Variants in RBFOX3 observed in about 807,000 individuals in gnomAD.
The protein encoded by RBFOX3 is RNA binding fox-1 homolog 3.
In RBFOX3, 17 loss-of-function variants were observed where a neutral mutation model predicts 48.7. The observed-to-expected ratio is 0.35, with a 90% CI of 0.24 to 0.52. RBFOX3 has a LOEUF of 0.52. Among genes scored for constraint, RBFOX3 ranks in the 20% least tolerant of loss-of-function variants. The probability of loss-of-function intolerance (pLI) is 0.94; values close to 1 mark genes in which losing one functional copy is unlikely to be tolerated. For missense variants in RBFOX3, 382 were observed against 497.5 expected, an observed-to-expected ratio of 0.77 and a Z score of 2.21; for synonymous variants, 212 against 209.5, an observed-to-expected ratio of 1.01 and a Z score of -0.10.
intron 2 of RBFOX3, among the ~76,000 whole-genome samples, chr17:79,337,941 A>ATT (rs1159109203): frequency 4.3e-4 from 60 of 139,924 alleles, no homozygotes; most frequent in African/African-American, 1.3e-3. Context: ...ACTTCTCCAG[A>ATT]TTTTTTTTTT....
rs2055768134 is a variant in RBFOX3 at position 79,197,164 on chromosome 17, CCCAGAAAG to C, written c.-34+38594_-34+38601del. On this transcript the variant is annotated intron_variant, in intron 4 of 14. Coordinates refer to ENST00000693108, the MANE Select transcript of RBFOX3 (RefSeq NM_001350451.2). ...CCAGTTCCTGTGAGCTGTGATTCTC[CCCAGAAAG>C]CCAGGTGCAGACATAAGAGGCATCC... 2.8e-5 allele frequency among the ~76,000 whole-genome samples: 3 copies of C among 108,364 alleles called. No homozygotes were observed. The South Asian group carries it at 1.0e-3, about 37-fold the overall frequency. The allele number at this position is 108,364 out of a possible 152,430, so 71.1% of individuals were successfully genotyped here.
chr17:79,151,922 GGGAGGGGACC>G (rs2044594953), intron 4 of RBFOX3, among the ~76,000 whole-genome samples: 1 of 26,042 alleles, frequency 3.8e-5, no homozygotes, highest in Non-Finnish European at 1.1e-4. Flanking sequence ...AGGCGAGGAT[GGGAGGGGACC>G]TACAGAGGGA....
At chr17:79,464,072 G>A (rs537259491) in intron 2 of RBFOX3, among the ~76,000 whole-genome samples, 1 of 152,324 alleles carries the variant, frequency 6.6e-6, no homozygotes, top group South Asian at 2.1e-4. Context: ...GTAAGCCCTT[G>A]GCAACCACCA....
At chr17:79,303,919 G>A (rs1293140274) in intron 3 of RBFOX3, among the ~76,000 whole-genome samples, 1 of 151,730 alleles carries the variant, frequency 6.6e-6, no homozygotes, top group South Asian at 2.1e-4. Context: ...GGAGGACCTG[G>A]GAAAGACCTC....
At position 79,384,738 on chromosome 17, in the gene RBFOX3, G is replaced by A. The variant is rs547380125; in HGVS notation, c.-174-76914C>T. 3.3e-5 allele frequency among the ~76,000 whole-genome samples: 5 copies of A among 152,302 alleles called. No homozygotes were observed. The East Asian group carries it at 5.8e-4, about 18-fold the overall frequency. On this transcript the variant is annotated intron_variant, in intron 2 of 14. Transcript: ENST00000693108. The stretch of plus-strand genomic sequence containing the variant: ...ATACACCAGCGCTGACCCAGCTGGC[G>A]GGCCAGTCACCTGCCGTGGAGGAGG...
intron 4 of RBFOX3, among the ~76,000 whole-genome samples, chr17:79,173,125 G>A (rs1024709461): frequency 2.0e-5 from 3 of 152,150 alleles, no homozygotes; most frequent in Admixed American, 6.5e-5. Context: ...CACGAGAATC[G>A]CTTGAACCCA....
intron 3 of RBFOX3, among the ~76,000 whole-genome samples, chr17:79,248,381 C>T (rs918060407): frequency 5.3e-5 from 8 of 151,970 alleles, no homozygotes; most frequent in African/African-American, 1.4e-4. Flanking sequence ...TACAGGCGCC[C>T]GTCAAGGGCT....
chr17:79,261,398 C>A (rs544406953), intron 3 of RBFOX3, among the ~76,000 whole-genome samples: 1 of 152,222 alleles, frequency 6.6e-6, no homozygotes, highest in Non-Finnish European at 1.5e-5. Flanking sequence ...TCCCAAGACC[C>A]AAGACCTGCT....
At chr17:79,127,583 G>A (rs2037635957) in intron 4 of RBFOX3, among the ~76,000 whole-genome samples, 1 of 152,208 alleles carries the variant, frequency 6.6e-6, no homozygotes, top group Non-Finnish European at 1.5e-5. Flanking sequence ...AGATTAAGCT[G>A]GAAAACATGA....
At chr17:79,276,266 C>T (rs1031725) in intron 3 of RBFOX3, among the ~76,000 whole-genome samples, 351 of 152,350 alleles carry the variant, frequency 2.3e-3, no homozygotes, top group African/African-American at 8.2e-3. Context: ...GGTGAGGAAA[C>T]ATTCTAGACC....
At chr17:79,518,730 A>G (rs2085623125) in intron 1 of RBFOX3, among the ~76,000 whole-genome samples, 1 of 152,218 alleles carries the variant, frequency 6.6e-6, no homozygotes, top group Non-Finnish European at 1.5e-5. Flanking sequence ...GCCTTCCCTA[A>G]CAGAAGCAAC....
At chr17:79,357,492 G>A (rs2085395086) in intron 2 of RBFOX3, among the ~76,000 whole-genome samples, 1 of 152,116 alleles carries the variant, frequency 6.6e-6, no homozygotes, top group Non-Finnish European at 1.5e-5. Context: ...TTAGCTGGGT[G>A]TGGTGGCGCA....
At chr17:79,485,471 A>C (rs1334976327) in intron 1 of RBFOX3, among the ~76,000 whole-genome samples, 4 of 152,138 alleles carry the variant, frequency 2.6e-5, no homozygotes, top group African/African-American at 9.7e-5. Flanking sequence ...CCTCCCCAGC[A>C]CAGAAATCTT....
the RBFOX3 span, among the ~76,000 whole-genome samples, chr17:79,657,771 C>G: frequency 6.6e-6 from 1 of 152,162 alleles, no homozygotes; most frequent in African/African-American, 2.4e-5. Flanking sequence ...CCTTAAACTA[C>G]AGGAAAGAAT....
rs142735221 is a variant in RBFOX3, at chr17:79,164,447, C to T, written c.-33-48699G>A. Among the ~76,000 whole-genome samples, 88 of 152,224 alleles carry T rather than the reference C, an allele frequency of 5.8e-4. No individual in the cohort carries two copies. In the East Asian group the frequency reaches 0.012, roughly 20 times the overall value. ...GCTTGGGTGCAGGACAGGGGCTCTG[C>T]GGCCTGGTGAGAGACGCTCCTGGGG... On this transcript the variant is annotated intron_variant, in intron 4 of 14. Transcript: ENST00000693108.
intron 2 of RBFOX3, among the ~76,000 whole-genome samples, chr17:79,466,567 T>C (rs929000471): frequency 1.3e-5 from 2 of 152,176 alleles, no homozygotes; most frequent in Admixed American, 6.5e-5. Context: ...ACCAATAACA[T>C]GCCACAGTGA....
intron 3 of RBFOX3, among the ~76,000 whole-genome samples, chr17:79,290,536 G>A (rs375470177): frequency 7.2e-5 from 11 of 151,932 alleles, no homozygotes; most frequent in African/African-American, 2.4e-4. Context: ...CATGCCTGCC[G>A]TTGCCACGTC....
chr17:79,324,678 A>G (rs1371729424), intron 2 of RBFOX3, among the ~76,000 whole-genome samples: 1 of 152,110 alleles, frequency 6.6e-6, no homozygotes, highest in African/African-American at 2.4e-5. Flanking sequence ...GGGTGGAGGG[A>G]AGGGAGACCC....
At chr17:79,557,862 G>A (rs910319585) in intron 1 of RBFOX3, among the ~76,000 whole-genome samples, 3 of 152,212 alleles carry the variant, frequency 2.0e-5, no homozygotes, top group Non-Finnish European at 4.4e-5. Context: ...CAGGTCACGA[G>A]CAAAACCTGC....
Sources: allele counts gnomAD v4.1 joint callset (sites outside exome capture counted in the v4.1 genomes callset), GRCh38; gene constraint gnomAD v4.1.1; transcripts MANE v1.5; gene names NCBI Gene and HGNC (gene_info 2026-07-23, HGNC 2026-07-21).